PRKG1: variants seen among roughly 807,000 people sequenced by gnomAD.
PRKG1 encodes the protein protein kinase cGMP-dependent 1.
In PRKG1, 35 loss-of-function variants were observed where a neutral mutation model predicts 88.1. The observed-to-expected ratio is 0.40, with a 90% CI of 0.30 to 0.53. PRKG1 has a LOEUF of 0.53. Among genes scored for constraint, PRKG1 ranks in the 20% least tolerant of loss-of-function variants. The pLI, the probability that PRKG1 is intolerant of heterozygous loss-of-function variation, is 0.59. For synonymous variants in PRKG1, 303 were observed against 292.5 expected, an observed-to-expected ratio of 1.04 and a Z score of -0.37; for missense variants, 540 against 839.8, an observed-to-expected ratio of 0.64 and a Z score of 4.41.
At chr10:51,968,608 G>A (rs986789809) in intron 5 of PRKG1, among the ~76,000 whole-genome samples, 20 of 151,882 alleles carry the variant, frequency 1.3e-4, no homozygotes, top group African/African-American at 4.8e-4. Context: ...AGATCACGAG[G>A]TCAAGAGTTC....
At chr10:51,140,391 T>A (rs1441194128) in intron 1 of PRKG1, among the ~76,000 whole-genome samples, 2 of 152,188 alleles carry the variant, frequency 1.3e-5, no homozygotes, top group African/African-American at 2.4e-5. Flanking sequence ...CAAAAAATGC[T>A]TGTTGAATGA....
intron 2 of PRKG1, among the ~76,000 whole-genome samples, chr10:51,451,898 GGA>G (rs1839448344): frequency 1.3e-5 from 2 of 151,880 alleles, no homozygotes; most frequent in Middle Eastern, 3.2e-3. Flanking sequence ...AAAGTGAATA[GGA>G]GAGAATTACT....
chr10:52,048,967 G>A (rs1845925126), intron 5 of PRKG1, among the ~76,000 whole-genome samples: 1 of 152,082 alleles, frequency 6.6e-6, no homozygotes, highest in Admixed American at 6.6e-5. Flanking sequence ...TATAGCATAA[G>A]ACCTCCAGGT....
intron 2 of PRKG1, among the ~76,000 whole-genome samples, chr10:51,240,003 G>A (rs1589271079): frequency 6.6e-6 from 1 of 152,200 alleles, no homozygotes; most frequent in Admixed American, 6.5e-5. Flanking sequence ...GGTACAGAAT[G>A]TGTTTCTGAG....
At chr10:52,088,780 G>A (rs1197059037) in intron 7 of PRKG1, among the ~76,000 whole-genome samples, 1 of 152,086 alleles carries the variant, frequency 6.6e-6, no homozygotes, top group African/African-American at 2.4e-5. Flanking sequence ...AGCATTATTT[G>A]TTTCTATGTT....
At chr10:51,671,298 G>T (rs756568154) in intron 3 of PRKG1, among the ~76,000 whole-genome samples, 17 of 152,280 alleles carry the variant, frequency 1.1e-4, no homozygotes, top group Middle Eastern at 3.4e-3. Context: ...TAGTTTCATA[G>T]AATTGCCATA....
intron 3 of PRKG1, among the ~76,000 whole-genome samples, chr10:51,762,857 T>G (rs1307195467): frequency 3.3e-5 from 5 of 152,194 alleles, no homozygotes; most frequent in Admixed American, 6.5e-5. Flanking sequence ...AGGATCTATA[T>G]CCTCACAGTG....
chr10:51,759,343 T>C (rs1018735786), intron 3 of PRKG1, among the ~76,000 whole-genome samples: 1 of 152,044 alleles, frequency 6.6e-6, no homozygotes, highest in African/African-American at 2.4e-5. Context: ...CTCGGCTCAC[T>C]GCAACCTCCA....
intron 16 of PRKG1, among the ~76,000 whole-genome samples, chr10:52,289,766 T>C (rs1379428185): frequency 6.6e-6 from 1 of 152,170 alleles, no homozygotes; most frequent in Non-Finnish European, 1.5e-5. Context: ...ATGGGACATG[T>C]AGAGACTATG....
chr10:52,150,180 A>ATTATTATTATT (rs1554810280), intron 8 of PRKG1, among the ~76,000 whole-genome samples: 57 of 137,202 alleles, frequency 4.2e-4, no homozygotes, highest in African/African-American at 8.0e-4. Context: ...TAATAATAAT[A>ATTATTATTATT]ATAATTTGAT....
At chr10:51,565,102 G>A (rs528558911) in intron 3 of PRKG1, among the ~76,000 whole-genome samples, 2 of 152,192 alleles carry the variant, frequency 1.3e-5, no homozygotes, top group South Asian at 4.2e-4. Flanking sequence ...AATAAGCGTT[G>A]ATAATTGAAA....
chr10:51,699,577 C>G, intron 3 of PRKG1: 1 of 1,583,536 alleles, frequency 6.3e-7, no homozygotes, highest in Non-Finnish European at 8.6e-7. Flanking sequence ...CAGCCGATAG[C>G]GGATTCTTCG....
At chr10:51,443,164 T>A (rs1218685043) in intron 2 of PRKG1, among the ~76,000 whole-genome samples, 9 of 152,068 alleles carry the variant, frequency 5.9e-5, no homozygotes, top group Non-Finnish European at 1.3e-4. Flanking sequence ...CCTACCATAT[T>A]CCTTAATGCT....
At chr10:51,784,201 T>C (rs183730667) in intron 3 of PRKG1, among the ~76,000 whole-genome samples, 4 of 152,166 alleles carry the variant, frequency 2.6e-5, no homozygotes, top group Admixed American at 2.0e-4. Flanking sequence ...AGTCTCTTAG[T>C]TGTGTTCTAA....
intron 3 of PRKG1, among the ~76,000 whole-genome samples, chr10:51,511,045 C>T (rs1841388496): frequency 6.6e-6 from 1 of 152,028 alleles, no homozygotes; most frequent in South Asian, 2.1e-4. Flanking sequence ...AGCCGCTGCG[C>T]CTGGCCTGTA....
At chr10:51,300,090 G>T (rs1170577821) in intron 2 of PRKG1, among the ~76,000 whole-genome samples, 2 of 152,202 alleles carry the variant, frequency 1.3e-5, no homozygotes, top group Non-Finnish European at 2.9e-5. Context: ...TGGATTACTT[G>T]CTCAGCAAGA....
At chr10:51,779,757 C>T (rs542139922) in intron 3 of PRKG1, among the ~76,000 whole-genome samples, 1 of 152,156 alleles carries the variant, frequency 6.6e-6, no homozygotes, top group African/African-American at 2.4e-5. Flanking sequence ...TGACCTGGCT[C>T]TGCATTCTGA....
chr10:51,768,010 A>T (rs1838211438), intron 3 of PRKG1, among the ~76,000 whole-genome samples: 1 of 145,868 alleles, frequency 6.9e-6, no homozygotes, highest in Non-Finnish European at 1.5e-5. Context: ...GCTGTTAATT[A>T]AAAAAAAAAT....
At chr10:52,034,279 T>TG (rs1239738141) in intron 5 of PRKG1, among the ~76,000 whole-genome samples, 1 of 145,992 alleles carries the variant, frequency 6.8e-6, no homozygotes, top group Non-Finnish European at 1.5e-5. Context: ...CAAAAATTTT[T>TG]GGGTGGTGGT....
Sources: gnomAD v4.1 joint callset for allele counts (sites outside exome capture counted in the v4.1 genomes callset) on GRCh38, gnomAD v4.1.1 for gene constraint, MANE v1.5 for transcripts, NCBI Gene and HGNC (gene_info 2026-07-23, HGNC 2026-07-21) for gene names.